NALCN: variants seen among roughly 807,000 people sequenced by gnomAD.
NALCN encodes the protein sodium leak channel, non-selective.
A neutral mutation model predicts 225.3 loss-of-function variants in NALCN; 111 were observed. The ratio of observed to expected loss-of-function variants is 0.49; its 90% confidence interval spans 0.42 to 0.58. NALCN has a LOEUF of 0.58. Ranked by LOEUF, NALCN falls within the 20% of genes least tolerant of loss-of-function variation. The probability of loss-of-function intolerance (pLI) is 0.00; values close to 1 mark genes in which losing one functional copy is unlikely to be tolerated. For synonymous variants in NALCN, 764 were observed against 769.0 expected (o/e 0.99, Z 0.11); for missense variants, 1,378 against 2,202.4 (o/e 0.63, Z 7.49).
At chr13:101,307,566 C>A (rs1439849087) in intron 7 of NALCN, among the ~76,000 whole-genome samples, 1 of 152,204 alleles carries the variant, frequency 6.6e-6, no homozygotes, top group Non-Finnish European at 1.5e-5. Context: ...CATGTCTGAA[C>A]TTTCTGAAAC....
chr13:101,096,728 C>T (rs1464804819), intron 27 of NALCN, among the ~76,000 whole-genome samples: 1 of 152,118 alleles, frequency 6.6e-6, no homozygotes, highest in Non-Finnish European at 1.5e-5. Flanking sequence ...ATGTGGATTA[C>T]ATCTCAATAA....
rs758856422 is a variant in NALCN at position 101,111,140 on chromosome 13, A to G, written c.2279T>C (p.Ile760Thr). The G allele has an allele frequency of 1.9e-6, 3 of 1,607,226 alleles. No homozygotes were observed. The highest frequency in any genetic ancestry group is 2.6e-6 in the Non-Finnish European group (3 of 1,174,734). The change falls in exon 19 of 44, where the codon ATC (isoleucine) becomes ACC (threonine). Residue 760 changes from isoleucine to threonine, a missense_variant. Physicochemically the swap from Ile to Thr is moderately conservative, Grantham distance 89. This residue lies in a region of NALCN where 66 missense variants were observed against 85.7 expected (regional missense o/e 0.77). Coordinates refer to ENST00000251127, the MANE Select transcript of NALCN (RefSeq NM_052867.4). ...AAGTATTTACCTGCGCTCTTGGCGG[A>G]TATGATGCTGCACGCTGAGGATTGA... ...ERSILSVQHH[I>T]RQERRSLRHG... is the part of the protein sequence containing the mutation.
At chr13:101,211,988 A>G (rs1318809915) in intron 13 of NALCN, among the ~76,000 whole-genome samples, 1 of 152,038 alleles carries the variant, frequency 6.6e-6, no homozygotes, top group African/African-American at 2.4e-5. Context: ...TCCAAGAAAA[A>G]AAAAATTAAA....
intron 17 of NALCN, among the ~76,000 whole-genome samples, chr13:101,128,942 C>T (rs777456484): frequency 2.0e-5 from 3 of 152,118 alleles, no homozygotes; most frequent in Non-Finnish European, 2.9e-5. Context: ...TTCTGAAAAT[C>T]GGCAGCTGGA....
intron 40 of NALCN, 97 bp downstream of exon 40, chr13:101,065,307 G>T: frequency 2.2e-6 from 3 of 1,345,758 alleles, no homozygotes; most frequent in Non-Finnish European, 3.1e-6. Context: ...GGCATTTTGG[G>T]TTGGAAACAC....
intron 13 of NALCN, among the ~76,000 whole-genome samples, chr13:101,227,731 C>T (rs1375474793): frequency 6.6e-6 from 1 of 152,162 alleles, no homozygotes; most frequent in Admixed American, 6.5e-5. Flanking sequence ...GAACCTGGTG[C>T]CTTCCCTACT....
intron 17 of NALCN, among the ~76,000 whole-genome samples, chr13:101,132,869 C>G (rs2036584346): frequency 6.6e-6 from 1 of 152,078 alleles, no homozygotes; most frequent in Admixed American, 6.5e-5. Context: ...ATATTATAAA[C>G]TCTTGCTATT....
intron 37 of NALCN, among the ~76,000 whole-genome samples, chr13:101,071,804 C>G (rs958083854): frequency 3.3e-5 from 5 of 152,190 alleles, no homozygotes; most frequent in African/African-American, 1.2e-4. Flanking sequence ...TTTGGGCTAA[C>G]TCAGCTTTTG....
chr13:101,130,950 T>C (rs376244521), intron 17 of NALCN, among the ~76,000 whole-genome samples: 5 of 152,174 alleles, frequency 3.3e-5, no homozygotes, highest in Non-Finnish European at 2.9e-5. Flanking sequence ...GGGACACCTA[T>C]AATGCAGATG....
At chr13:101,305,845 T>C (rs1264863833) in intron 7 of NALCN, among the ~76,000 whole-genome samples, 1 of 152,236 alleles carries the variant, frequency 6.6e-6, no homozygotes, top group African/African-American at 2.4e-5. Flanking sequence ...ACCATATTCC[T>C]AGGGCCTGGG....
At chr13:101,139,323 G>T (rs548713358) in intron 17 of NALCN, among the ~76,000 whole-genome samples, 4 of 152,164 alleles carry the variant, frequency 2.6e-5, no homozygotes, top group Non-Finnish European at 4.4e-5. Context: ...CCCTTCTGGG[G>T]TTGCTGTCAG....
At chr13:101,268,199 C>G (rs1438408706) in intron 10 of NALCN, among the ~76,000 whole-genome samples, 1 of 152,192 alleles carries the variant, frequency 6.6e-6, no homozygotes, top group African/African-American at 2.4e-5. Flanking sequence ...CCATCTCTGA[C>G]TGCAGTGGGA....
chr13:101,402,648 T>C (rs919062705), intron 1 of NALCN, among the ~76,000 whole-genome samples: 1 of 152,226 alleles, frequency 6.6e-6, no homozygotes, highest in African/African-American at 2.4e-5. Context: ...TCTTCTCTAC[T>C]TAACCCCTTA....
At position 101,355,946 on chromosome 13, in the gene NALCN, A is replaced by G. The variant is rs191329558; in HGVS notation, c.645-10526T>C. ...AAATTGAACAACCTGCTGCTGAATGACTCCTGAGTAAATAATGAAGTTAAG... is the reference window on the plus strand; with the variant it reads ...AAATTGAACAACCTGCTGCTGAATGGCTCCTGAGTAAATAATGAAGTTAAG... On this transcript the variant is annotated intron_variant, in intron 6 of 43. Transcript: ENST00000251127. Among the ~76,000 whole-genome samples, 125 of 152,274 alleles carry G rather than the reference A, an allele frequency of 8.2e-4. 1 individual carries two copies. The highest frequency in any genetic ancestry group is 1.4e-3 in the Non-Finnish European group (97 of 68,020).
chr13:101,260,828 T>C (rs1462322777), intron 10 of NALCN, among the ~76,000 whole-genome samples: 1 of 152,212 alleles, frequency 6.6e-6, no homozygotes, highest in Non-Finnish European at 1.5e-5. Context: ...GTGTTGTCTC[T>C]TCACTTTGTT....
chr13:101,057,929 A>G lies in NALCN; in HGVS notation c.5023+10T>C, dbSNP rs773952782. 4 of 1,602,962 alleles carry G rather than the reference A, an allele frequency of 2.5e-6. No homozygotes were observed. The highest frequency in any genetic ancestry group is 1.7e-5 in the Admixed American group (1 of 60,020). On this transcript the variant is annotated intron_variant, in intron 43 of 43. Coordinates refer to ENST00000251127, the MANE Select transcript of NALCN (RefSeq NM_052867.4). Reference sequence around the variant, plus strand: ...CCTCGATCGCTGGAGAAATGCCTGGATGGACCTACCTGAGGGCAGACGCCA... The same window carrying G: ...CCTCGATCGCTGGAGAAATGCCTGGGTGGACCTACCTGAGGGCAGACGCCA...
intron 3 of NALCN, among the ~76,000 whole-genome samples, chr13:101,384,879 A>G (rs893461992): frequency 6.6e-6 from 1 of 152,220 alleles, no homozygotes; most frequent in African/African-American, 2.4e-5. Context: ...GATGGAAAAC[A>G]CTTAAAACAA....
At chr13:101,345,019 G>A (rs764519638) in intron 7 of NALCN, among the ~76,000 whole-genome samples, 11 of 152,080 alleles carry the variant, frequency 7.2e-5, no homozygotes, top group East Asian at 1.9e-4. Context: ...ATTGAGAATC[G>A]AAATAGTCAA....
intron 7 of NALCN, among the ~76,000 whole-genome samples, chr13:101,318,195 A>G (rs900657058): frequency 2.0e-5 from 3 of 152,096 alleles, no homozygotes; most frequent in African/African-American, 7.2e-5. Flanking sequence ...CCGGCCTGGC[A>G]GGCAGCATTT....
Sources: allele counts gnomAD v4.1 joint callset (sites outside exome capture counted in the v4.1 genomes callset), GRCh38; gene constraint gnomAD v4.1.1; regional missense constraint gnomAD v4.1.1; transcripts MANE v1.5; gene names NCBI Gene and HGNC (gene_info 2026-07-23, HGNC 2026-07-21).